Variants in FMR1 observed in about 807,000 individuals in gnomAD.
FMR1 encodes the protein fragile X messenger ribonucleoprotein 1.
FMR1 carries 13 observed loss-of-function variants against 50.6 expected under a neutral mutation model. The ratio of observed to expected loss-of-function variants is 0.26; its 90% confidence interval spans 0.17 to 0.41. FMR1 has a LOEUF of 0.41. Ranked by LOEUF, FMR1 falls within the 10% of genes least tolerant of loss-of-function variation. The probability of loss-of-function intolerance (pLI) is 1.00; values close to 1 mark genes in which losing one functional copy is unlikely to be tolerated. For missense variants in FMR1, 316 were observed against 491.3 expected, an observed-to-expected ratio of 0.64 and a Z score of 3.37; for synonymous variants, 138 against 164.1, an observed-to-expected ratio of 0.84 and a Z score of 1.22.
chrX:147,946,319 A>G (rs1310307613), intron 16 of FMR1, among the ~76,000 whole-genome samples: 1 of 112,098 alleles, frequency 8.9e-6, no homozygotes, highest in Admixed American at 9.4e-5. Context: ...TTGAATAGAA[A>G]ATAAGGAAAA....
chrX:147,937,637 T>G (rs1557179919), intron 11 of FMR1, 37 bp downstream of exon 11: 1 of 680,903 alleles, frequency 1.5e-6, no homozygotes, highest in South Asian at 2.1e-5. Context: ...ACAATACAAG[T>G]AATTTGTCTC....
At chrX:147,925,706 A>G (rs1038876282) in intron 3 of FMR1, 73 bp downstream of exon 3, 5 of 686,251 alleles carry the variant, frequency 7.3e-6, no homozygotes, top group Non-Finnish European at 1.2e-5. Context: ...TTTTTTTAAT[A>G]CTTTGTCTTT....
chrX:147,943,605 A>G lies in FMR1; in HGVS notation c.1471+279A>G, dbSNP rs2044078568. On this transcript the variant is annotated intron_variant, in intron 14 of 16. Transcript: ENST00000370475. The stretch of plus-strand genomic sequence containing the variant: ...TTCTTAAGGCCTCTCCTGATTTTAT[A>G]ACTGTATAGTCAAAACTTTTTTCAT... The G allele has an allele frequency of 2.1e-5, 7 of 336,494 alleles. No individual in the cohort carries two copies. In the South Asian group the frequency reaches 3.5e-4, roughly 17 times the overall value. 27.7% of individuals were successfully genotyped at this position (336,494 alleles called of 1,213,427 possible).
At chrX:147,914,690 G>A (rs1316459756) in intron 1 of FMR1, among the ~76,000 whole-genome samples, 1 of 111,816 alleles carries the variant, frequency 8.9e-6, no homozygotes, top group African/African-American at 3.2e-5. Context: ...TTATGCTTAG[G>A]TATTTGTTTG....
chrX:147,931,535 A>G (rs1239099162), intron 7 of FMR1, among the ~76,000 whole-genome samples: 3 of 112,066 alleles, frequency 2.7e-5, no homozygotes, highest in Non-Finnish European at 3.8e-5. Context: ...CACTACTAAT[A>G]TTAAAGAGAT....
At chrX:147,925,710 T>C in intron 3 of FMR1, 77 bp downstream of exon 3, 1 of 649,176 alleles carries the variant, frequency 1.5e-6, no homozygotes, top group African/African-American at 2.1e-5. Flanking sequence ...TTTAATACTT[T>C]GTCTTTAACA....
At chrX:147,922,019 G>T in intron 2 of FMR1, 34 bp downstream of exon 2, 1 of 861,651 alleles carries the variant, frequency 1.2e-6, no homozygotes, top group Non-Finnish European at 1.7e-6. Flanking sequence ...TAATGATGAG[G>T]TTCTTTAATA....
At chrX:147,931,065 C>T (rs190129148) in intron 7 of FMR1, 1 of 111,779 alleles carries the variant, frequency 8.9e-6, no homozygotes, top group African/African-American at 3.2e-5. Context: ...AGTTTAATCT[C>T]CTTTTGCCAC....
In FMR1 at chrX:147,915,475, C is replaced by T. The variant is rs997866719; in HGVS notation, c.51+3245C>T. On this transcript the variant is annotated intron_variant, in intron 1 of 16. Transcript: ENST00000370475. Reference sequence around the variant, plus strand: ...CGAGGAAGTGAATTATTGGGGTCAACCACATTTTTTTTCCTTCCTACAGTC... The same window carrying T: ...CGAGGAAGTGAATTATTGGGGTCAATCACATTTTTTTTCCTTCCTACAGTC... Among the ~76,000 whole-genome samples the T allele has an allele frequency of 4.5e-5, 5 of 111,488 alleles. No homozygotes were observed. In the East Asian group the frequency reaches 1.4e-3, roughly 31 times the overall value.
In FMR1 at chrX:147,928,611, TCTTA is replaced by T. The variant is rs782664693; in HGVS notation, c.271-44_271-41del. On this transcript the variant is annotated intron_variant, in intron 4 of 16. Transcript: ENST00000370475. Reference sequence around the variant, plus strand: ...TAACTGAATAGGGAGAACTTCTTATTCTTACTTTAAAAATTGTGATTAGAAGTGA... The same window carrying T: ...TAACTGAATAGGGAGAACTTCTTATTCTTTAAAAATTGTGATTAGAAGTGA... The T allele has an allele frequency of 4.5e-6, 5 of 1,105,283 alleles. No homozygotes were observed. The African/African-American group carries it at 7.3e-5, about 16-fold the overall frequency. 91.1% of individuals were successfully genotyped at this position (1,105,283 alleles called of 1,213,427 possible).
chrX:147,944,738 A>T (rs2044115586), intron 14 of FMR1, 131 bp from the exon 15 acceptor site: 3 of 1,082,030 alleles, frequency 2.8e-6, no homozygotes, highest in Admixed American at 4.0e-5. Flanking sequence ...GAAAGTGATA[A>T]TACTCTTTGT....
chrX:147,917,203 G>A (rs1557175410), intron 1 of FMR1, among the ~76,000 whole-genome samples: 1 of 111,944 alleles, frequency 8.9e-6, no homozygotes, highest in East Asian at 2.8e-4. Context: ...AGCCTCTCCT[G>A]TGAGCAGTGG....
At chrX:147,939,272 A>T (rs781784951) in intron 12 of FMR1, among the ~76,000 whole-genome samples, 7 of 108,381 alleles carry the variant, frequency 6.5e-5, no homozygotes, top group East Asian at 2.9e-4. Context: ...TTTCCCTCTT[A>T]ATATATATAT....
intron 2 of FMR1, among the ~76,000 whole-genome samples, chrX:147,923,563 T>C (rs1227976334): frequency 8.9e-6 from 1 of 112,253 alleles, no homozygotes; most frequent in Non-Finnish European, 1.9e-5. Flanking sequence ...TCTATGCATT[T>C]AAGAATTTGT....
At position 147,950,566 on chromosome X, in the gene FMR1, CATTT is replaced by C. The variant is rs1569546220; in HGVS notation, c.*1723_*1726del. 3.0e-6 allele frequency: 1 copy of C among 329,393 alleles called. No homozygotes were observed. Among genetic ancestry groups the C allele is most frequent in the Admixed American group, 3.1e-5 (1 of 32,232 alleles). The allele number at this position is 329,393 out of a possible 1,213,427, so 27.1% of individuals were successfully genotyped here. On this transcript the variant is annotated 3_prime_UTR_variant, in exon 17 of 17. Transcript: ENST00000370475. ...GACAACAGATTGGATTTTATGTTGA[CATTT>C]GTTTGGTTATAGTGCAATATATTTT...
intron 9 of FMR1, 23 bp downstream of exon 9, chrX:147,932,786 CAT>C (rs1207022282): frequency 9.8e-7 from 1 of 1,025,404 alleles, no homozygotes; most frequent in African/African-American, 1.9e-5. Flanking sequence ...TATCTGTTGA[CAT>C]ATAGTACAAC....
intron 9 of FMR1, chrX:147,933,460 T>TCC: frequency 1.0e-6 from 1 of 998,506 alleles, no homozygotes; most frequent in Non-Finnish European, 1.3e-6. Flanking sequence ...AGAAGAAACT[T>TCC]CAGATGTCTC....
intron 1 of FMR1, among the ~76,000 whole-genome samples, chrX:147,915,827 A>G (rs941183902): frequency 1.8e-5 from 2 of 111,680 alleles, no homozygotes; most frequent in African/African-American, 6.5e-5. Flanking sequence ...TAGGTAAGTG[A>G]CTTACTACCA....
intron 3 of FMR1, 175 bp from the exon 4 acceptor site, chrX:147,928,147 A>T: frequency 2.3e-6 from 1 of 426,228 alleles, no homozygotes; most frequent in Non-Finnish European, 4.1e-6. Context: ...CTGATTATGT[A>T]TCTCTGCCTA....
Sources: allele counts gnomAD v4.1 joint callset (sites outside exome capture counted in the v4.1 genomes callset), GRCh38; gene constraint gnomAD v4.1.1; transcripts MANE v1.5; gene names NCBI Gene and HGNC (gene_info 2026-07-23, HGNC 2026-07-21).